The following MYOG variants were observed in gnomAD, a reference collection of about 807,000 sequenced individuals.
The protein encoded by MYOG is class C basic helix-loop-helix protein 3.
A neutral mutation model predicts 17.7 loss-of-function variants in MYOG; 6 were observed. The observed-to-expected ratio is 0.34, with a 90% CI of 0.19 to 0.67. MYOG has a LOEUF of 0.67. Ranked by LOEUF, MYOG falls within the 30% of genes least tolerant of loss-of-function variation. The probability of loss-of-function intolerance (pLI) is 0.69; values close to 1 mark genes in which losing one functional copy is unlikely to be tolerated. For synonymous variants in MYOG, 125 were observed against 130.2 expected, an observed-to-expected ratio of 0.96 and a Z score of 0.27; for missense variants, 272 against 302.0, an observed-to-expected ratio of 0.90 and a Z score of 0.74.
At chr1:203,084,594 C>T in intron 2 of MYOG, 53 bp downstream of exon 2, 1 of 1,483,432 alleles carries the variant, frequency 6.7e-7, no homozygotes, top group Non-Finnish European at 9.3e-7. Context: ...AGAACCTGGC[C>T]CAGGGAGGGA....
In MYOG at chr1:203,083,746, G is replaced by T. The variant is rs1289878035; in HGVS notation, c.*164C>A. 1 of 1,101,198 alleles carries T rather than the reference G, an allele frequency of 9.1e-7. No homozygotes were observed. The highest frequency in any genetic ancestry group is 1.3e-6 in the Non-Finnish European group (1 of 774,506). 68.2% of individuals were successfully genotyped at this position (1,101,198 alleles called of 1,614,324 possible). On this transcript the variant is annotated 3_prime_UTR_variant, in exon 3 of 3. Transcript: ENST00000241651. ...CGTCCAGTCCCTTGCTGGGGGGTGG[G>T]TTAACCTTACATGGATGAGGAAGGG...
At position 203,085,539 on chromosome 1, in the gene MYOG, C is replaced by T; in HGVS notation, c.423G>A (p.Gln141=). 1.2e-6 allele frequency: 2 copies of T among 1,614,150 alleles called. No individual in the cohort carries two copies. The highest frequency in any genetic ancestry group is 1.7e-6 in the Non-Finnish European group (2 of 1,179,990). The stretch of plus-strand genomic sequence containing the variant: ...CCCGGTAGCGGAGGTCACGCTCCTC[C>T]TGGTTGAGGGAGCTGAGCAGGGCCT... The part of the protein sequence containing the change: ...RLQALLSSLN[Q]EERDLRYRGG... The change falls in exon 1 of 3, where the codon CAG becomes CAA. Residue 141 remains glutamine (Q), a synonymous_variant. Transcript: ENST00000241651.
At position 203,084,686 on chromosome 1, in the gene MYOG, C is replaced by T. The variant is rs1377246759; in HGVS notation, c.514G>A (p.Glu172Lys). The T allele has an allele frequency of 6.2e-7, 1 of 1,611,926 alleles. No homozygotes were observed. ...CSSHSASCSP[E>K]WGSALEFSAN... ...CTGAACTCCAGTGCACTGCCCCACT[C>T]TGGACTGCAGGAGGCGCTGTGAGAG... The change falls in exon 2 of 3, where the codon GAG becomes AAG. Residue 172 changes from glutamate to lysine, a missense_variant. Physicochemically the swap from Glu to Lys is moderately conservative, Grantham distance 56. Coordinates refer to ENST00000241651, the MANE Select transcript of MYOG (RefSeq NM_002479.6).
intron 1 of MYOG, 68 bp downstream of exon 1, chr1:203,085,423 T>G: frequency 7.0e-7 from 1 of 1,419,614 alleles, no homozygotes. Flanking sequence ...TCTTGGGGTC[T>G]TGAGGCTGTC....
intron 1 of MYOG, 28 bp from the exon 2 acceptor site, chr1:203,084,756 C>A: frequency 6.3e-7 from 1 of 1,577,342 alleles, no homozygotes; most frequent in South Asian, 1.2e-5. Flanking sequence ...GGCCCAAGGT[C>A]GGGGCACAGC....
Position 203,083,615 on chromosome 1 carries a change from A to T in MYOG, c.*295T>A. 1.8e-6 allele frequency: 1 copy of T among 541,658 alleles called. No homozygotes were observed. The highest frequency in any genetic ancestry group is 2.8e-5 in the East Asian group (1 of 35,712). The allele number at this position is 541,658 out of a possible 1,614,324, so 33.6% of individuals were successfully genotyped here. On this transcript the variant is annotated 3_prime_UTR_variant, in exon 3 of 3. Coordinates refer to ENST00000241651, the MANE Select transcript of MYOG (RefSeq NM_002479.6). Reference sequence around the variant, plus strand: ...CGTTATGATAAAAAGGAAGCTCCTGAGTTTGCCCCCTGAGCTGGGGCATAC... The same window carrying T: ...CGTTATGATAAAAAGGAAGCTCCTGTGTTTGCCCCCTGAGCTGGGGCATAC...
At position 203,083,700 on chromosome 1, in the gene MYOG, A is replaced by C; in HGVS notation, c.*210T>G. Reference sequence around the variant, plus strand: ...CTGGAAAGGGGATGCCCTCTCCTCTAAGGAGGCAGCTGAATGAGGGCGTCC... The same window carrying C: ...CTGGAAAGGGGATGCCCTCTCCTCTCAGGAGGCAGCTGAATGAGGGCGTCC... On this transcript the variant is annotated 3_prime_UTR_variant, in exon 3 of 3. Coordinates refer to ENST00000241651, the MANE Select transcript of MYOG (RefSeq NM_002479.6). 1 of 704,132 alleles carries C rather than the reference A, an allele frequency of 1.4e-6. No homozygotes were observed. Among genetic ancestry groups the C allele is most frequent in the Non-Finnish European group, 2.3e-6 (1 of 429,586 alleles). The allele number at this position is 704,132 out of a possible 1,614,324, so 43.6% of individuals were successfully genotyped here. A position where few individuals can be genotyped will look rare whatever the true frequency, so the allele number is the denominator to read the frequency against.
In MYOG at chr1:203,083,722, G is replaced by C; in HGVS notation, c.*188C>G. ...TCTAAGGAGGCAGCTGAATGAGGGC[G>C]TCCAGTCCCTTGCTGGGGGGTGGGT... On this transcript the variant is annotated 3_prime_UTR_variant, in exon 3 of 3. Transcript: ENST00000241651. 2 of 837,782 alleles carry C rather than the reference G, an allele frequency of 2.4e-6. No homozygotes were observed. The highest frequency in any genetic ancestry group is 2.7e-5 in the East Asian group (1 of 37,484). 51.9% of individuals were successfully genotyped at this position (837,782 alleles called of 1,614,324 possible). A position where few individuals can be genotyped will look rare whatever the true frequency, so the allele number is the denominator to read the frequency against.
Position 203,083,632 on chromosome 1 carries a change from G to A in MYOG, c.*278C>T, listed in dbSNP as rs1163016675. 7.1e-6 allele frequency: 4 copies of A among 562,488 alleles called. No homozygotes were observed. Among genetic ancestry groups the A allele is most frequent in the Admixed American group, 3.0e-5 (1 of 33,364 alleles). The allele number at this position is 562,488 out of a possible 1,614,324, so 34.8% of individuals were successfully genotyped here. Reference sequence around the variant, plus strand: ...AGCTCCTGAGTTTGCCCCCTGAGCTGGGGCATACACGAGGGGGCGCTCTGG... The same window carrying A: ...AGCTCCTGAGTTTGCCCCCTGAGCTAGGGCATACACGAGGGGGCGCTCTGG... On this transcript the variant is annotated 3_prime_UTR_variant, in exon 3 of 3. Transcript: ENST00000241651.
rs1340178432 is a variant in MYOG, at chr1:203,084,715, C to T, written c.485G>A (p.Cys162Tyr). ...GGPQPGVPSECSSHSASCSPE... is the reference protein window; with the variant it reads ...GGPQPGVPSEYSSHSASCSPE... Reference sequence around the variant, plus strand: ...ACTGCAGGAGGCGCTGTGAGAGCTGCATTCGCTGGGCACCTGCAAGACAGG... The same window carrying T: ...ACTGCAGGAGGCGCTGTGAGAGCTGTATTCGCTGGGCACCTGCAAGACAGG... Residue 162 changes from cysteine (C) to tyrosine (Y), a missense_variant, in exon 2 of 3, where the codon TGC becomes TAC. Coordinates refer to ENST00000241651, the MANE Select transcript of MYOG (RefSeq NM_002479.6). The T allele has an allele frequency of 6.2e-7, 1 of 1,609,522 alleles. No individual in the cohort carries two copies. The highest frequency in any genetic ancestry group is 1.3e-5 in the African/African-American group (1 of 74,822).
At chr1:203,084,156 G>C in intron 2 of MYOG, 125 bp from the exon 3 acceptor site, 1 of 1,246,774 alleles carries the variant, frequency 8.0e-7, no homozygotes, top group African/African-American at 1.5e-5. Flanking sequence ...AAGCTCCGGA[G>C]TTCTACTCCC....
rs773995689 is a variant in MYOG, at chr1:203,085,875, G to A, written c.87C>T (p.Gly29=). The A allele has an allele frequency of 4.3e-6, 7 of 1,613,784 alleles. No homozygotes were observed. In the Admixed American group the frequency reaches 1.0e-4, roughly 23 times the overall value. The change falls in exon 1 of 3, where the codon GGC becomes GGT. Residue 29 remains glycine (G), a synonymous_variant. Transcript: ENST00000241651. ...GENYLPVHLQ[G]FEPPGYERTE... ...TCCGCTCGTAGCCTGGTGGTTCGAA[G>A]CCCTGGAGGTGGACAGGCAGGTAGT...
At chr1:203,085,272 G>T (rs979859257) in intron 1 of MYOG, among the ~76,000 whole-genome samples, 1 of 152,124 alleles carries the variant, frequency 6.6e-6, no homozygotes, top group African/African-American at 2.4e-5. Context: ...AACCCCTTCT[G>T]CACTTCCTCC....
At chr1:203,085,177 C>T (rs966075085) in intron 1 of MYOG, among the ~76,000 whole-genome samples, 5 of 152,206 alleles carry the variant, frequency 3.3e-5, no homozygotes, top group African/African-American at 1.2e-4. Context: ...GGCTCTGACT[C>T]AGGCGCTGGG....
In MYOG at chr1:203,083,994, G is replaced by A. The variant is rs773441797; in HGVS notation, c.591C>T (p.Asn197=). 12 of 1,595,952 alleles carry A rather than the reference G, an allele frequency of 7.5e-6. No homozygotes were observed. The highest frequency in any genetic ancestry group is 4.5e-5 in the East Asian group (2 of 44,448). ...CCACGATGGAGGTGAGGGAGTGCAGGTTGTGGGCATCTGTAGGGTCAGCCG... is the reference window on the plus strand; with the variant it reads ...CCACGATGGAGGTGAGGGAGTGCAGATTGTGGGCATCTGTAGGGTCAGCCG... ...LLTADPTDAH[N]LHSLTSIVDS... is the part of the protein sequence containing the mutation. The change falls in exon 3 of 3, where the codon AAC becomes AAT. Residue 197 remains asparagine (N), a synonymous_variant. Transcript: ENST00000241651.
At chr1:203,084,254 C>T (rs1318222568) in intron 2 of MYOG, among the ~76,000 whole-genome samples, 3 of 126,694 alleles carry the variant, frequency 2.4e-5, no homozygotes, top group Non-Finnish European at 5.4e-5. Context: ...TTTCTGAACT[C>T]CCCTAGTAGG....
At chr1:203,084,611 G>T (rs760878038) in intron 2 of MYOG, 36 bp downstream of exon 2, 10 of 1,558,478 alleles carry the variant, frequency 6.4e-6, no homozygotes, top group African/African-American at 1.4e-5. Context: ...GGGACTGAGG[G>T]ATTGGAGCCA....
rs1305423935 is a variant in MYOG at position 203,083,953 on chromosome 1, T to C, written c.632A>G (p.Glu211Gly). ...ATCTGGGAAGGCCACAGACACATCT[T>C]CCACTGTGATGCTGTCCACGATGGA... ...LTSIVDSITV[E>G]DVSVAFPDET... The change falls in exon 3 of 3, where the codon GAA (glutamate) becomes GGA (glycine). Residue 211 changes from glutamate to glycine, a missense_variant. Glu to Gly is a moderately conservative substitution (Grantham distance 98, BLOSUM62 -2). Coordinates refer to ENST00000241651, the MANE Select transcript of MYOG (RefSeq NM_002479.6). 6.3e-7 allele frequency: 1 copy of C among 1,592,002 alleles called. No homozygotes were observed.
At chr1:203,084,535 A>C in intron 2 of MYOG, 112 bp downstream of exon 2, 16 of 971,884 alleles carry the variant, frequency 1.6e-5, no homozygotes, top group Non-Finnish European at 2.4e-5. Flanking sequence ...GCAGGTCCCT[A>C]GAGAGACCCA....
Sources: allele counts gnomAD v4.1 joint callset (sites outside exome capture counted in the v4.1 genomes callset), GRCh38; gene constraint gnomAD v4.1.1; transcripts MANE v1.5; gene names NCBI Gene and HGNC (gene_info 2026-07-23, HGNC 2026-07-21).